Variants in GPHN observed in about 807,000 individuals in gnomAD.
The protein encoded by GPHN is gephyrin.
A neutral mutation model predicts 95.5 loss-of-function variants in GPHN; 17 were observed. The observed-to-expected ratio is 0.18, with a 90% CI of 0.12 to 0.27. The LOEUF (loss-of-function observed/expected upper bound fraction) is 0.27. Among genes scored for constraint, GPHN ranks in the 10% least tolerant of loss-of-function variants. The pLI is 1.00. For synonymous variants in GPHN, 320 were observed against 322.5 expected, an observed-to-expected ratio of 0.99 and a Z score of 0.08; for missense variants, 660 against 978.1, an observed-to-expected ratio of 0.67 and a Z score of 4.34.
At chr14:66,896,874 G>A (rs986006139) in intron 5 of GPHN, among the ~76,000 whole-genome samples, 34 of 151,796 alleles carry the variant, frequency 2.2e-4, no homozygotes, top group African/African-American at 4.1e-4. Flanking sequence ...GTTATAATAC[G>A]AATTCCCAGA....
intron 1 of GPHN, among the ~76,000 whole-genome samples, chr14:66,609,020 A>T (rs1476263013): frequency 1.3e-5 from 2 of 152,002 alleles, no homozygotes; most frequent in Non-Finnish European, 2.9e-5. Context: ...TTGATACAGA[A>T]ATTGTGTTTT....
intron 1 of GPHN, among the ~76,000 whole-genome samples, chr14:66,512,899 A>G (rs985676334): frequency 1.3e-5 from 2 of 151,818 alleles, no homozygotes; most frequent in African/African-American, 4.8e-5. Flanking sequence ...TACATATTAT[A>G]TCTGTTTTGA....
intron 4 of GPHN, among the ~76,000 whole-genome samples, chr14:66,855,101 C>A (rs1327316004): frequency 6.6e-6 from 1 of 152,120 alleles, no homozygotes; most frequent in African/African-American, 2.4e-5. Context: ...CCCACCGCAG[C>A]CTCCCTAAGT....
chr14:67,156,712 C>A (rs1305701919), intron 18 of GPHN, among the ~76,000 whole-genome samples: 2 of 152,076 alleles, frequency 1.3e-5, no homozygotes, highest in South Asian at 2.1e-4. Flanking sequence ...TGCGGTGGCT[C>A]ATGCCTATAA....
chr14:67,286,183 T>C, the GPHN span, among the ~76,000 whole-genome samples: 1 of 152,206 alleles, frequency 6.6e-6, no homozygotes, highest in African/African-American at 2.4e-5. Flanking sequence ...CTGGGCAGAG[T>C]GCCTCCATCC....
Position 66,755,140 on chromosome 14 carries a change from A to T in GPHN, c.144-21324A>T, listed in dbSNP as rs528024920. 2.0e-5 allele frequency among the ~76,000 whole-genome samples: 3 copies of T among 152,144 alleles called. No homozygotes were observed. In the South Asian group the frequency reaches 6.2e-4, roughly 31 times the overall value. ...GCTGGTGACTTCACTGTCTAAGAAT[A>T]TGGATTTATAAAGGTATAGAGAGTA... is the stretch of plus-strand genomic sequence containing the variant. On this transcript the variant is annotated intron_variant, in intron 2 of 22. Transcript: ENST00000478722.
chr14:66,661,802 T>TGGCAACGA lies in GPHN; in HGVS notation c.65-19304_65-19303insGCAACGAG, dbSNP rs2065673142. Among the ~76,000 whole-genome samples the TGGCAACGA allele has an allele frequency of 2.0e-5, 3 of 151,928 alleles. No individual in the cohort carries two copies. The South Asian group carries it at 6.2e-4, about 32-fold the overall frequency. Reference sequence around the variant, plus strand: ...GGAGGTGGGCGGGCGCCATCGTTGCTGTTTGGGCAACTCAGCATTCTGTCC... The same window carrying TGGCAACGA: ...GGAGGTGGGCGGGCGCCATCGTTGCTGGCAACGAGTTTGGGCAACTCAGCATTCTGTCC... On this transcript the variant is annotated intron_variant, in intron 1 of 22. Transcript: ENST00000478722.
chr14:67,326,121 G>A, the GPHN span, among the ~76,000 whole-genome samples: 661 of 149,620 alleles, frequency 4.4e-3, 6 homozygotes, highest in African/African-American at 0.015. Flanking sequence ...CACCGTGCCC[G>A]GCCAGCATCT....
At chr14:67,514,223 G>C in the GPHN span, among the ~76,000 whole-genome samples, 13 of 152,160 alleles carry the variant, frequency 8.5e-5, no homozygotes, top group African/African-American at 3.1e-4. Context: ...ACCTAAGGCA[G>C]CCAAACACCC....
intron 11 of GPHN, among the ~76,000 whole-genome samples, chr14:67,065,773 T>TTC (rs1491468277): frequency 1.3e-5 from 2 of 150,240 alleles, no homozygotes; most frequent in Admixed American, 1.3e-4. Flanking sequence ...TTTTTTTTTT[T>TTC]GCTTTCCATT....
chr14:66,900,489 C>A (rs1287971051), intron 5 of GPHN, among the ~76,000 whole-genome samples: 1 of 148,550 alleles, frequency 6.7e-6, no homozygotes, highest in Non-Finnish European at 1.5e-5. Flanking sequence ...GGTCTTATTT[C>A]TTCTATCAAA....
intron 5 of GPHN, among the ~76,000 whole-genome samples, chr14:66,891,315 G>A (rs990066263): frequency 6.6e-6 from 1 of 151,918 alleles, no homozygotes; most frequent in Non-Finnish European, 1.5e-5. Context: ...CAAGAAAATG[G>A]AATAGAAACA....
chr14:67,684,676 G>A, the GPHN span: 1 of 161,626 alleles, frequency 6.2e-6, no homozygotes, highest in Admixed American at 6.4e-5. Context: ...ACAGGCGTAA[G>A]CCACTGCGCC....
At chr14:67,241,919 G>C in the GPHN span, 1 of 152,194 alleles carries the variant, frequency 6.6e-6, no homozygotes, top group Non-Finnish European at 1.5e-5. Context: ...CTGGGAAATC[G>C]GCGAGGGAAC....
At chr14:66,781,090 T>C (rs2059588325) in intron 3 of GPHN, among the ~76,000 whole-genome samples, 1 of 152,222 alleles carries the variant, frequency 6.6e-6, no homozygotes, top group Non-Finnish European at 1.5e-5. Context: ...TACACGTATA[T>C]TTATTGATTG....
In GPHN at chr14:66,649,104, G is replaced by A. The variant is rs142389534; in HGVS notation, c.65-32003G>A. 4.4e-3 allele frequency among the ~76,000 whole-genome samples: 668 copies of A among 152,318 alleles called. 2 individuals carry two copies. Among genetic ancestry groups the A allele is most frequent in the African/African-American group, 0.015 (631 of 41,590 alleles). On this transcript the variant is annotated intron_variant, in intron 1 of 22. Coordinates refer to ENST00000478722, the MANE Select transcript of GPHN (RefSeq NM_020806.5). ...CCTAGCACTTTGGGAGGCCGAGGCC[G>A]GTGGATTGCCTGAGCTCAGGAGTTC...
chr14:67,402,630 T>C, the GPHN span, among the ~76,000 whole-genome samples: 4 of 152,088 alleles, frequency 2.6e-5, no homozygotes, highest in Non-Finnish European at 5.9e-5. Context: ...TCTAAGTCCA[T>C]GAGTTGTTTT....
chr14:66,511,732 GA>G (rs1296515459), intron 1 of GPHN, among the ~76,000 whole-genome samples: 7 of 152,002 alleles, frequency 4.6e-5, no homozygotes, highest in African/African-American at 1.7e-4. Context: ...AATAATGGTA[GA>G]AAGGGAAATA....
chr14:66,991,212 C>T (rs893746778), intron 9 of GPHN, among the ~76,000 whole-genome samples: 2 of 151,972 alleles, frequency 1.3e-5, no homozygotes, highest in African/African-American at 4.8e-5. Flanking sequence ...GTATTTTGAA[C>T]TTTAAGTGCG....
Sources: gnomAD v4.1 joint callset for allele counts (sites outside exome capture counted in the v4.1 genomes callset) on GRCh38, gnomAD v4.1.1 for gene constraint, MANE v1.5 for transcripts, NCBI Gene and HGNC (gene_info 2026-07-23, HGNC 2026-07-21) for gene names.